PLOD1: variants seen among roughly 807,000 people sequenced by gnomAD.
The protein encoded by PLOD1 is procollagen-lysine,2-oxoglutarate 5-dioxygenase 1.
In PLOD1, 70 loss-of-function variants were observed where a neutral mutation model predicts 94.7. The ratio of observed to expected loss-of-function variants is 0.74; its 90% CI spans 0.61 to 0.90. The LOEUF is 0.90. PLOD1 is among the 40% of genes least tolerant of loss of function. PLOD1 has a pLI of 0.00. For synonymous variants in PLOD1, 417 were observed against 400.2 expected (o/e 1.04, Z -0.50); for missense variants, 905 against 972.7 (o/e 0.93, Z 0.93).
In PLOD1 at chr1:11,942,485, G is replaced by A. The variant is rs146335197; in HGVS notation, c.77-5491G>A. Among the ~76,000 whole-genome samples, 26 of 152,332 alleles carry A rather than the reference G, an allele frequency of 1.7e-4. No homozygotes were observed. In the East Asian group the frequency reaches 3.7e-3, roughly 21 times the overall value. On this transcript the variant is annotated intron_variant, in intron 1 of 18. Coordinates refer to ENST00000196061, the MANE Select transcript of PLOD1 (RefSeq NM_000302.4). ...CACGTGCAAAGGAGTGACCACATGG[G>A]ATGAGATTAAGGAGGGCTTCCTGGA...
In PLOD1 at chr1:11,974,676, C is replaced by T; in HGVS notation, c.2052C>T (p.Arg684=). Residue 684 remains arginine, a synonymous_variant, in exon 19 of 19, where the codon CGC becomes CGT. Coordinates refer to ENST00000196061, the MANE Select transcript of PLOD1 (RefSeq NM_000302.4). The stretch of plus-strand genomic sequence containing the variant: ...AGGGCGGGGGCTGTCGGTTCCTGCG[C>T]TACAACTGTTCCATCCGAGCCCCAA... ...DYEGGGCRFL[R]YNCSIRAPRK... is the part of the protein sequence containing the mutation. The T allele has an allele frequency of 1.9e-6, 3 of 1,613,888 alleles. No homozygotes were observed. In the East Asian group the frequency reaches 6.7e-5, roughly 36 times the overall value.
rs1347189428 is a variant in PLOD1, at chr1:11,960,722, G to A, written c.1052G>A (p.Gly351Asp). ...GAGTACCAGTCTGTGAAGCTGGTGG[G>A]CCCTGAGGTGCGGATGGCGAATGCA... The part of the protein sequence containing the change: ...GSEYQSVKLV[G>D]PEVRMANADA... Residue 351 changes from glycine to aspartate, a missense_variant, in exon 10 of 19, where the codon GGC becomes GAC. Coordinates refer to ENST00000196061, the MANE Select transcript of PLOD1 (RefSeq NM_000302.4). 15 of 1,613,442 alleles carry A rather than the reference G, an allele frequency of 9.3e-6. No individual in the cohort carries two copies. The highest frequency in any genetic ancestry group is 2.7e-5 in the African/African-American group (2 of 74,900).
Position 11,942,657 on chromosome 1 carries a change from A to G in PLOD1, c.77-5319A>G, listed in dbSNP as rs149989697. Among the ~76,000 whole-genome samples the G allele has an allele frequency of 4.3e-3, 656 of 152,288 alleles. 2 individuals carry two copies. Among genetic ancestry groups the G allele is most frequent in the African/African-American group, 0.015 (629 of 41,554 alleles). On this transcript the variant is annotated intron_variant, in intron 1 of 18. Coordinates refer to ENST00000196061, the MANE Select transcript of PLOD1 (RefSeq NM_000302.4). ...GTCTCTTGTTGGAGGGCTTGCCTTC[A>G]GTTCTCTTGTTGTGAACCGCCTCCC...
At chr1:11,949,364 G>A (rs1015311125) in intron 2 of PLOD1, among the ~76,000 whole-genome samples, 3 of 152,118 alleles carry the variant, frequency 2.0e-5, no homozygotes, top group South Asian at 2.1e-4. Flanking sequence ...GGTGGAGAAT[G>A]GTTTCCTTAC....
At chr1:11,965,846 C>A (rs1404445255) in intron 14 of PLOD1, among the ~76,000 whole-genome samples, 1 of 152,208 alleles carries the variant, frequency 6.6e-6, no homozygotes, top group African/African-American at 2.4e-5. Context: ...CTGCCATCAT[C>A]TGGGACTTAG....
intron 10 of PLOD1, among the ~76,000 whole-genome samples, chr1:11,962,145 G>A (rs1645782301): frequency 6.6e-6 from 1 of 151,854 alleles, no homozygotes; most frequent in South Asian, 2.1e-4. Flanking sequence ...GCCCAGGCTG[G>A]TCTCAAACTC....
intron 10 of PLOD1, 53 bp downstream of exon 10, chr1:11,960,820 G>A (rs987772931): frequency 2.5e-5 from 40 of 1,607,872 alleles, no homozygotes; most frequent in Non-Finnish European, 3.2e-5. Flanking sequence ...GGGGAGCTGT[G>A]GCTGTGGTAA....
At chr1:11,966,428 G>A in intron 15 of PLOD1, 112 bp downstream of exon 15, 1 of 544,754 alleles carries the variant, frequency 1.8e-6, no homozygotes, top group Non-Finnish European at 3.4e-6. Flanking sequence ...GGAGTTGGGG[G>A]TGGAGGGATG....
At chr1:11,939,646 C>T (rs1645602910) in intron 1 of PLOD1, among the ~76,000 whole-genome samples, 1 of 152,256 alleles carries the variant, frequency 6.6e-6, no homozygotes, top group South Asian at 2.1e-4. Context: ...GAGTCTCGCT[C>T]ACCTAGTCTG....
At chr1:11,952,763 A>T in intron 5 of PLOD1, 28 bp downstream of exon 5, 1 of 1,515,908 alleles carries the variant, frequency 6.6e-7, no homozygotes, top group Non-Finnish European at 9.2e-7. Flanking sequence ...GGCCAAGGAG[A>T]GGGGGCTGGG....
chr1:11,944,573 T>C lies in PLOD1; in HGVS notation c.77-3403T>C, dbSNP rs1645637106. On this transcript the variant is annotated intron_variant, in intron 1 of 18. Coordinates refer to ENST00000196061, the MANE Select transcript of PLOD1 (RefSeq NM_000302.4). Reference sequence around the variant, plus strand: ...GCTGGTGGCTCTGGTTCTCTTCACCTGGGGAGAGACTTCACCGTCCTGGCA... The same window carrying C: ...GCTGGTGGCTCTGGTTCTCTTCACCCGGGGAGAGACTTCACCGTCCTGGCA... 1 of 1,358,554 alleles carries C rather than the reference T, an allele frequency of 7.4e-7. No homozygotes were observed. Among genetic ancestry groups the C allele is most frequent in the Non-Finnish European group, 9.8e-7 (1 of 1,018,058 alleles). 84.2% of individuals were successfully genotyped at this position (1,358,554 alleles called of 1,614,324 possible).
At chr1:11,968,675 G>A (rs1411635143) in intron 16 of PLOD1, among the ~76,000 whole-genome samples, 1 of 150,296 alleles carries the variant, frequency 6.7e-6, no homozygotes, top group Non-Finnish European at 1.5e-5. Context: ...CACCATGCCC[G>A]ACTAATTTTT....
At chr1:11,952,047 C>T (rs1447549162) in intron 4 of PLOD1, among the ~76,000 whole-genome samples, 2 of 152,258 alleles carry the variant, frequency 1.3e-5, no homozygotes, top group African/African-American at 2.4e-5. Flanking sequence ...CCTCAACAGA[C>T]ACTTTTTTCC....
At chr1:11,949,401 A>C (rs77138768) in intron 2 of PLOD1, among the ~76,000 whole-genome samples, 20,778 of 151,960 alleles carry the variant, frequency 0.14, 2,135 homozygotes, top group African/African-American at 0.29. Flanking sequence ...TGCTGGACCC[A>C]CAGGAGCAAA....
intron 1 of PLOD1, among the ~76,000 whole-genome samples, chr1:11,942,902 C>G (rs1453665262): frequency 5.3e-5 from 8 of 152,160 alleles, no homozygotes; most frequent in African/African-American, 1.7e-4. Flanking sequence ...CTGAACTGGA[C>G]AATCACGTGG....
intron 1 of PLOD1, among the ~76,000 whole-genome samples, chr1:11,939,234 TG>T (rs1168333718): frequency 6.6e-6 from 1 of 151,702 alleles, no homozygotes; most frequent in Admixed American, 6.6e-5. Flanking sequence ...GGGCCGGGTC[TG>T]GGGAGACCTA....
In PLOD1 at chr1:11,957,890, G is replaced by A. The variant is rs758361490; in HGVS notation, c.790G>A (p.Glu264Lys). ...CTACATCCCGCGCTTCTGGACCTTC[G>A]AAACAGGCTGCACCGTGTGTGACGA... ...GNYIPRFWTF[E>K]TGCTVCDEGL... The change falls in exon 8 of 19, where the codon GAA (glutamate) becomes AAA (lysine). Residue 264 changes from glutamate to lysine, a missense_variant. Physicochemically the swap from Glu to Lys is moderately conservative, Grantham distance 56 (BLOSUM62 1). Coordinates refer to ENST00000196061, the MANE Select transcript of PLOD1 (RefSeq NM_000302.4). This position sits in a 1 kb window ranked among gnomAD's most constrained non-coding sequence, Gnocchi z 4.1. 6 of 1,613,962 alleles carry A rather than the reference G, an allele frequency of 3.7e-6. No individual in the cohort carries two copies. Among genetic ancestry groups the A allele is most frequent in the South Asian group, 3.3e-5 (3 of 91,084 alleles).
intron 1 of PLOD1, chr1:11,944,643 T>C: frequency 4.4e-6 from 6 of 1,360,240 alleles, no homozygotes; most frequent in Non-Finnish European, 5.9e-6. Context: ...GCATCCCTCG[T>C]TTCTGGATCC....
At chr1:11,966,529 TG>T (rs1319633271) in intron 15 of PLOD1, 1 of 99,372 alleles carries the variant, frequency 1.0e-5, no homozygotes, top group African/African-American at 6.4e-5. Flanking sequence ...GGGATGGGGG[TG>T]GGGGGAGGCA....
Sources: allele counts gnomAD v4.1 joint callset (sites outside exome capture counted in the v4.1 genomes callset), GRCh38; gene constraint gnomAD v4.1.1; non-coding constraint Gnocchi (gnomAD v3.1); transcripts MANE v1.5; gene names NCBI Gene and HGNC (gene_info 2026-07-23, HGNC 2026-07-21).